Variants in B4GALNT3 observed in about 807,000 individuals in gnomAD.
The protein encoded by B4GALNT3 is beta-1,4-N-acetyl-galactosaminyltransferase 3.
B4GALNT3 carries 86 observed loss-of-function variants against 120.2 expected under a neutral mutation model. The observed-to-expected ratio is 0.72, with a 90% CI of 0.60 to 0.86. B4GALNT3 has a LOEUF of 0.86. B4GALNT3 is among the 40% of genes least tolerant of loss of function. The pLI, the probability that B4GALNT3 is intolerant of heterozygous loss-of-function variation, is 0.00. For missense variants in B4GALNT3, 1,167 were observed against 1,298.9 expected (o/e 0.90, Z 1.56); for synonymous variants, 518 against 510.4 (o/e 1.01, Z -0.20).
At chr12:502,245 C>G (rs1322528554) in intron 1 of B4GALNT3, among the ~76,000 whole-genome samples, 1 of 152,150 alleles carries the variant, frequency 6.6e-6, no homozygotes, top group Non-Finnish European at 1.5e-5. Context: ...GTTGGCTGAC[C>G]TTGTGTGGAC....
chr12:512,172 G>A (rs369104663), intron 1 of B4GALNT3, among the ~76,000 whole-genome samples: 243 of 20,142 alleles, frequency 0.012, no homozygotes, highest in South Asian at 0.026. Context: ...TCCACCTTCC[G>A]CCTTCCGCCT....
intron 1 of B4GALNT3, among the ~76,000 whole-genome samples, chr12:507,124 A>G (rs1053495306): frequency 2.0e-5 from 3 of 152,206 alleles, no homozygotes; most frequent in African/African-American, 7.2e-5. Flanking sequence ...ACTCAAGTTC[A>G]TACTGTATCC....
rs113825804 is a variant in B4GALNT3 at position 518,247 on chromosome 12, A to G, written c.170-16919A>G. Among the ~76,000 whole-genome samples, 451 of 152,306 alleles carry G rather than the reference A, an allele frequency of 3.0e-3. 3 individuals carry two copies. The highest frequency in any genetic ancestry group is 0.01 in the African/African-American group (427 of 41,550). The stretch of plus-strand genomic sequence containing the variant: ...TCTGCTCTGAAAGTGGTTCTTACCC[A>G]TCTTCAATCATCCACTCAGAGCCAA... On this transcript the variant is annotated intron_variant, in intron 1 of 19. Coordinates refer to ENST00000266383, the MANE Select transcript of B4GALNT3 (RefSeq NM_173593.4).
chr12:475,212 G>T (rs970739921), intron 1 of B4GALNT3, among the ~76,000 whole-genome samples: 1 of 152,186 alleles, frequency 6.6e-6, no homozygotes, highest in Admixed American at 6.5e-5. Context: ...TGTATATTTT[G>T]CATACTATTT....
At chr12:540,979 G>A (rs549599007) in intron 3 of B4GALNT3, among the ~76,000 whole-genome samples, 1 of 152,126 alleles carries the variant, frequency 6.6e-6, no homozygotes, top group South Asian at 2.1e-4. Flanking sequence ...TCCTGACCTC[G>A]TGATCCGCCC....
At chr12:560,188 G>GA (rs1407333683) in intron 19 of B4GALNT3, among the ~76,000 whole-genome samples, 2 of 152,194 alleles carry the variant, frequency 1.3e-5, no homozygotes, top group African/African-American at 4.8e-5. Flanking sequence ...AAGGAGAGGG[G>GA]AGGGTACCCT....
At chr12:490,006 G>A (rs1006725931) in intron 1 of B4GALNT3, among the ~76,000 whole-genome samples, 2 of 152,142 alleles carry the variant, frequency 1.3e-5, no homozygotes, top group African/African-American at 4.8e-5. Flanking sequence ...ATGTGCTTTC[G>A]AATAACACTT....
intron 1 of B4GALNT3, among the ~76,000 whole-genome samples, chr12:506,999 G>A (rs1046464238): frequency 1.3e-5 from 2 of 152,210 alleles, no homozygotes; most frequent in African/African-American, 2.4e-5. Context: ...CATTGCAAAG[G>A]TAGTCTGGAG....
chr12:535,559 C>T lies in B4GALNT3; in HGVS notation c.273+290C>T, dbSNP rs142651822. Among the ~76,000 whole-genome samples the T allele has an allele frequency of 5.2e-3, 791 of 152,280 alleles. 6 individuals carry two copies. Among genetic ancestry groups the T allele is most frequent in the Middle Eastern group, 0.034 (10 of 294 alleles). On this transcript the variant is annotated intron_variant, in intron 2 of 19. Coordinates refer to ENST00000266383, the MANE Select transcript of B4GALNT3 (RefSeq NM_173593.4). ...CAGTTTGCCCGTGCCGGAACCACTCCGGGCCTGCGACCTCCATCACCAGTG... is the reference window on the plus strand; with the variant it reads ...CAGTTTGCCCGTGCCGGAACCACTCTGGGCCTGCGACCTCCATCACCAGTG...
At chr12:487,534 G>A (rs1429273839) in intron 1 of B4GALNT3, among the ~76,000 whole-genome samples, 1 of 151,930 alleles carries the variant, frequency 6.6e-6, no homozygotes, top group African/African-American at 2.4e-5. Context: ...CCAACATGGT[G>A]AAACCTGGTT....
At chr12:467,234 C>T (rs1244230577) in intron 1 of B4GALNT3, among the ~76,000 whole-genome samples, 1 of 152,074 alleles carries the variant, frequency 6.6e-6, no homozygotes, top group African/African-American at 2.4e-5. Flanking sequence ...CTGTGCTCGG[C>T]CTCATTTTAA....
chr12:500,207 A>C (rs984795487), intron 1 of B4GALNT3, among the ~76,000 whole-genome samples: 2 of 152,024 alleles, frequency 1.3e-5, no homozygotes, highest in African/African-American at 4.8e-5. Flanking sequence ...ACAGTGGAGC[A>C]ATCATACCGC....
chr12:547,338 T>C (rs1238081017), intron 7 of B4GALNT3, among the ~76,000 whole-genome samples: 1 of 152,120 alleles, frequency 6.6e-6, no homozygotes, highest in Non-Finnish European at 1.5e-5. Context: ...GAGAAAAAGA[T>C]TTGGAATATT....
intron 1 of B4GALNT3, among the ~76,000 whole-genome samples, chr12:466,482 C>A (rs1946082491): frequency 6.6e-6 from 1 of 152,182 alleles, no homozygotes; most frequent in African/African-American, 2.4e-5. Context: ...ACTAGGCCAA[C>A]CAGACATTTG....
At position 557,677 on chromosome 12, in the gene B4GALNT3, A is replaced by G; in HGVS notation, c.2450A>G (p.Asp817Gly). The G allele has an allele frequency of 6.2e-7, 1 of 1,610,010 alleles. No individual in the cohort carries two copies. The highest frequency in any genetic ancestry group is 8.5e-7 in the Non-Finnish European group (1 of 1,178,660). Residue 817 changes from aspartate (D) to glycine (G), a missense_variant, in exon 16 of 20, where the codon GAC becomes GGC. Asp to Gly is a moderately conservative substitution (Grantham distance 94). Coordinates refer to ENST00000266383, the MANE Select transcript of B4GALNT3 (RefSeq NM_173593.4). ...GAAAACCTGTTCCAGGTCACCGGTG[A>G]CCCACACTTCAACATCGTCATCACT... ...DMENLFQVTG[D>G]PHFNIVITDY...
At chr12:519,206 A>G (rs2120614509) in intron 1 of B4GALNT3, among the ~76,000 whole-genome samples, 1 of 152,338 alleles carries the variant, frequency 6.6e-6, no homozygotes, top group Non-Finnish European at 1.5e-5. Context: ...CAAATTGCCT[A>G]CAACAGGCTC....
intron 9 of B4GALNT3, among the ~76,000 whole-genome samples, 164 bp from the exon 10 acceptor site, chr12:549,605 C>G (rs1355208092): frequency 1.3e-5 from 2 of 152,236 alleles, no homozygotes; most frequent in Non-Finnish European, 2.9e-5. Flanking sequence ...AATCGTGAAG[C>G]CACCGCTGTG....
chr12:516,496 G>A (rs899504138), intron 1 of B4GALNT3, among the ~76,000 whole-genome samples: 1 of 152,182 alleles, frequency 6.6e-6, no homozygotes, highest in African/African-American at 2.4e-5. Context: ...ATGAAATGGT[G>A]GTAAAGAGAT....
intron 1 of B4GALNT3, among the ~76,000 whole-genome samples, chr12:518,085 C>A (rs1290985070): frequency 6.6e-6 from 1 of 152,156 alleles, no homozygotes; most frequent in Non-Finnish European, 1.5e-5. Flanking sequence ...GAAATTAATT[C>A]ATTCATTTAC....
Sources: gnomAD v4.1 joint callset for allele counts (sites outside exome capture counted in the v4.1 genomes callset) on GRCh38, gnomAD v4.1.1 for gene constraint, MANE v1.5 for transcripts, NCBI Gene and HGNC (gene_info 2026-07-23, HGNC 2026-07-21) for gene names.